The following TNNT1 variants were observed in gnomAD, a reference collection of about 807,000 sequenced individuals.
TNNT1 encodes the protein troponin T1, slow skeletal type.
TNNT1 carries 53 observed loss-of-function variants against 50.6 expected under a neutral mutation model. The ratio of observed to expected loss-of-function variants is 1.05; its 90% confidence interval spans 0.84 to 1.32. The LOEUF (loss-of-function observed/expected upper bound fraction) is 1.32, where lower values mean the gene tolerates loss of function less well. Among genes scored for constraint, TNNT1 ranks in the 40% most tolerant of loss-of-function variants. The pLI is 0.00. For missense variants in TNNT1, 348 were observed against 381.7 expected (o/e 0.91, Z 0.74); for synonymous variants, 142 against 138.0 (o/e 1.03, Z -0.20).
chr19:55,142,535 G>A (rs1207745499), intron 6 of TNNT1, among the ~76,000 whole-genome samples: 1 of 146,348 alleles, frequency 6.8e-6, no homozygotes, highest in Admixed American at 6.8e-5. Context: ...TAAAAAATAT[G>A]CCTAGTAAGA....
chr19:55,135,525 C>CT (rs35798514), intron 11 of TNNT1: 40,572 of 171,602 alleles, frequency 0.24, 5,264 homozygotes, highest in East Asian at 0.42. Context: ...TCACCTCAGC[C>CT]TTTTTTTTTT....
chr19:55,144,789 T>A (rs1272586882), intron 6 of TNNT1, among the ~76,000 whole-genome samples: 2 of 152,216 alleles, frequency 1.3e-5, no homozygotes, highest in Non-Finnish European at 2.9e-5. Flanking sequence ...AGGCTTTGAA[T>A]GCAGGCTAGT....
rs1283497580 is a variant in TNNT1, at chr19:55,146,827, G to C, written c.47-120C>G. The C allele has an allele frequency of 3.4e-6, 4 of 1,167,828 alleles. No homozygotes were observed. In the African/African-American group the frequency reaches 6.3e-5, roughly 18 times the overall value. The allele number at this position is 1,167,828 out of a possible 1,614,324, so 72.3% of individuals were successfully genotyped here. A position where few individuals can be genotyped will look rare whatever the true frequency, so the allele number is the denominator to read the frequency against. On this transcript the variant is annotated intron_variant, in intron 3 of 13. Transcript: ENST00000588981. ...GGTCCCTCTGGCCTCGGCTGCGATG[G>C]GCACGTTCCCCCTGGCGGTGCAGGG... is the stretch of plus-strand genomic sequence containing the variant.
At chr19:55,141,325 G>C (rs756357231) in intron 7 of TNNT1, 23 bp from the exon 8 acceptor site, 1 of 1,591,848 alleles carries the variant, frequency 6.3e-7, no homozygotes, top group Admixed American at 1.7e-5. Flanking sequence ...CGGGCAGCCC[G>C]TCCTAGGAGA....
rs543551989 is a variant in TNNT1, at chr19:55,135,291, T to C, written c.612-1087A>G. On this transcript the variant is annotated intron_variant, in intron 11 of 13. Coordinates refer to ENST00000588981, the MANE Select transcript of TNNT1 (RefSeq NM_003283.6). ...GATTTTGAGGATGGAAATATTGGGC[T>C]AAAAGTAGTGAGTGAAGCAGAAAAC... is the stretch of plus-strand genomic sequence containing the variant. 5.9e-5 allele frequency among the ~76,000 whole-genome samples: 9 copies of C among 152,316 alleles called. No individual in the cohort carries two copies. In the South Asian group the frequency reaches 1.7e-3, roughly 28 times the overall value.
At chr19:55,133,400 C>T (rs1306420652) in intron 13 of TNNT1, among the ~76,000 whole-genome samples, 1 of 151,678 alleles carries the variant, frequency 6.6e-6, no homozygotes, top group African/African-American at 2.4e-5. Flanking sequence ...ACCCTCTCGG[C>T]TGGGCGCGGT....
At position 55,147,030 on chromosome 19, in the gene TNNT1, G is replaced by A. The variant is rs1237846262; in HGVS notation, c.33-9C>T. On this transcript the variant is annotated splice_polypyrimidine_tract_variant and intron_variant, in intron 2 of 13. Transcript: ENST00000588981. ...CACCTTCCGGCTGCTCCCTGCGGAC[G>A]GGTGTGGGGAGAGAGGAGGGAGGGG... is the stretch of plus-strand genomic sequence containing the variant. 1.9e-6 allele frequency: 3 copies of A among 1,612,186 alleles called. No individual in the cohort carries two copies. Among genetic ancestry groups the A allele is most frequent in the East Asian group, 2.2e-5 (1 of 44,834 alleles).
intron 6 of TNNT1, 89 bp from the exon 7 acceptor site, chr19:55,142,009 C>G: frequency 7.3e-7 from 1 of 1,363,494 alleles, no homozygotes; most frequent in Non-Finnish European, 1.0e-6. Context: ...GTGAGGTAGC[C>G]GCCAGCCCCG....
At chr19:55,141,107 CTA>C in intron 8 of TNNT1, 77 bp downstream of exon 8, 21 of 1,494,602 alleles carry the variant, frequency 1.4e-5, no homozygotes, top group Non-Finnish European at 1.9e-5. Context: ...AGGAGGAAAA[CTA>C]TTATCTGCAT....
At position 55,140,915 on chromosome 19, in the gene TNNT1, C is replaced by G; in HGVS notation, c.355G>C (p.Glu119Gln). ...ERAEQQRFRT[E>Q]KERERQAKLA... ...TTAGCCTGACGTTCGCGTTCCTTCT[C>G]AGTTCTGAAGCGCTGTTGCTCGGCT... is the stretch of plus-strand genomic sequence containing the variant. Residue 119 changes from glutamate to glutamine, a missense_variant, in exon 9 of 14, where the codon GAG (glutamate) becomes CAG (glutamine). Glu to Gln is a conservative substitution (Grantham distance 29). Transcript: ENST00000588981. 6.2e-7 allele frequency: 1 copy of G among 1,613,830 alleles called. No homozygotes were observed. The highest frequency in any genetic ancestry group is 1.1e-5 in the South Asian group (1 of 91,068).
At chr19:55,135,814 C>A (rs1039404714) in intron 11 of TNNT1, among the ~76,000 whole-genome samples, 1 of 152,168 alleles carries the variant, frequency 6.6e-6, no homozygotes, top group Non-Finnish European at 1.5e-5. Flanking sequence ...AGCCGCCGCG[C>A]CCGCCCGGCC....
intron 6 of TNNT1, among the ~76,000 whole-genome samples, chr19:55,144,876 T>C (rs1481374336): frequency 2.0e-5 from 3 of 151,976 alleles, no homozygotes; most frequent in Non-Finnish European, 4.4e-5. Flanking sequence ...TTAGCTCTGG[T>C]GTTAGAAAAG....
intron 5 of TNNT1, 145 bp from the exon 6 acceptor site, chr19:55,145,710 G>A: frequency 1.3e-6 from 1 of 772,072 alleles, no homozygotes; most frequent in East Asian, 2.5e-5. Flanking sequence ...CTGGAGGAGG[G>A]GGGATGGGGA....
chr19:55,140,748 G>C, intron 9 of TNNT1, 135 bp downstream of exon 9: 1 of 553,520 alleles, frequency 1.8e-6, no homozygotes, highest in African/African-American at 1.9e-5. Context: ...CTGCACTCCA[G>C]CCTGGGCGAC....
At chr19:55,143,220 G>C (rs879534915) in intron 6 of TNNT1, among the ~76,000 whole-genome samples, 1 of 151,246 alleles carries the variant, frequency 6.6e-6, no homozygotes, top group Admixed American at 6.6e-5. Flanking sequence ...GGGTGGTCTT[G>C]AACTTCTGAG....
At chr19:55,135,528 T>C in intron 11 of TNNT1, 2 of 207,686 alleles carry the variant, frequency 9.6e-6, no homozygotes, top group Non-Finnish European at 2.0e-5. Flanking sequence ...CCTCAGCCTT[T>C]TTTTTTTTTT....
At chr19:55,145,277 C>T (rs1599890942) in intron 6 of TNNT1, 2 of 510,648 alleles carry the variant, frequency 3.9e-6, no homozygotes, top group East Asian at 6.7e-5. Flanking sequence ...GCCTGGGTAA[C>T]AGGGTGGAGA....
Position 55,141,254 on chromosome 19 carries a change from G to A in TNNT1, c.241C>T (p.Leu81Phe). ...MEKDLLELQT[L>F]IDVHFEQRKK... ...CGCTGCTCGAAATGTACATCGATGA[G>A]TGTCTGCAGCTCCAGCAGGTCTTTC... The change falls in exon 8 of 14, where the codon CTC (leucine) becomes TTC (phenylalanine). Residue 81 changes from leucine to phenylalanine, a missense_variant. Leu to Phe is a conservative substitution (Grantham distance 22). Around this residue, in one of 3 missense-constraint regions of TNNT1, gnomAD observed 253 missense variants for 291.8 expected, o/e 0.87. Coordinates refer to ENST00000588981, the MANE Select transcript of TNNT1 (RefSeq NM_003283.6). 5 of 1,614,242 alleles carry A rather than the reference G, an allele frequency of 3.1e-6. No homozygotes were observed. The highest frequency in any genetic ancestry group is 4.2e-6 in the Non-Finnish European group (5 of 1,180,044).
intron 11 of TNNT1, 139 bp downstream of exon 11, chr19:55,136,964 G>T: frequency 1.6e-6 from 1 of 624,234 alleles, no homozygotes; most frequent in Non-Finnish European, 2.9e-6. Context: ...GGCCCAGAGA[G>T]GGGAAGCCAC....
Sources: gnomAD v4.1 joint callset for allele counts (sites outside exome capture counted in the v4.1 genomes callset) on GRCh38, gnomAD v4.1.1 for gene constraint, gnomAD v4.1.1 regional missense constraint, MANE v1.5 for transcripts, NCBI Gene and HGNC (gene_info 2026-07-23, HGNC 2026-07-21) for gene names.